The following SHC4 variants were observed in gnomAD, a reference collection of about 807,000 sequenced individuals.
SHC4 encodes SHC-transforming protein 4.
Under a neutral mutation model 69.4 loss-of-function variants are expected in SHC4, and 41 were observed. The observed-to-expected ratio is 0.59, with a 90% confidence interval of 0.46 to 0.77. The LOEUF (loss-of-function observed/expected upper bound fraction) is 0.77, where lower values mean the gene tolerates loss of function less well. SHC4 is among the 30% of genes least tolerant of loss of function. The pLI, the probability that SHC4 is intolerant of heterozygous loss-of-function variation, is 0.00. For synonymous variants in SHC4, 318 were observed against 299.3 expected (o/e 1.06, Z -0.64); for missense variants, 777 against 783.8 (o/e 0.99, Z 0.10).
At chr15:48,946,473 C>G (rs908594543) in intron 1 of SHC4, 2 of 624,906 alleles carry the variant, frequency 3.2e-6, no homozygotes, top group African/African-American at 2.0e-5. Context: ...CTTCTCCCTC[C>G]TCTCTTTCTC....
intron 4 of SHC4, among the ~76,000 whole-genome samples, chr15:48,874,401 G>C (rs1318637755): frequency 2.0e-5 from 3 of 152,194 alleles, no homozygotes; most frequent in African/African-American, 7.2e-5. Context: ...GGCCTGTTAG[G>C]AACCGGGCTG....
chr15:48,918,962 G>A (rs1297513634), intron 2 of SHC4, among the ~76,000 whole-genome samples: 2 of 152,058 alleles, frequency 1.3e-5, no homozygotes, highest in Non-Finnish European at 2.9e-5. Context: ...CCAAGTAGCT[G>A]CAAGTCACAG....
At chr15:48,858,170 C>T (rs1899368503) in intron 6 of SHC4, among the ~76,000 whole-genome samples, 1 of 152,150 alleles carries the variant, frequency 6.6e-6, no homozygotes, top group Admixed American at 6.5e-5. Context: ...CACTAATCTA[C>T]ACAGAAGGCG....
At chr15:48,846,009 T>G (rs1595729806) in intron 9 of SHC4, among the ~76,000 whole-genome samples, 1 of 152,084 alleles carries the variant, frequency 6.6e-6, no homozygotes, top group South Asian at 2.1e-4. Context: ...GTCAGTTTTT[T>G]TTTTTTTAAG....
At position 48,902,450 on chromosome 15, in the gene SHC4, A is replaced by G. The variant is rs1415159828; in HGVS notation, c.657-11639T>C. Among the ~76,000 whole-genome samples the G allele has an allele frequency of 6.6e-5, 10 of 152,274 alleles. No homozygotes were observed. The South Asian group carries it at 2.1e-3, about 32-fold the overall frequency. On this transcript the variant is annotated intron_variant, in intron 2 of 11. Transcript: ENST00000332408. ...TGGAAATACAATGTATTCAACATACAAATGTTAGGTAGTGCTATGTCATCA... is the reference window on the plus strand; with the variant it reads ...TGGAAATACAATGTATTCAACATACGAATGTTAGGTAGTGCTATGTCATCA...
At chr15:48,849,760 G>C (rs1899171653) in intron 9 of SHC4, among the ~76,000 whole-genome samples, 2 of 152,170 alleles carry the variant, frequency 1.3e-5, no homozygotes, top group Non-Finnish European at 1.5e-5. Context: ...GGCTGTCAGA[G>C]AGCATAACTT....
At chr15:48,888,600 G>C (rs1900079248) in intron 3 of SHC4, among the ~76,000 whole-genome samples, 1 of 152,156 alleles carries the variant, frequency 6.6e-6, no homozygotes, top group Non-Finnish European at 1.5e-5. Context: ...CACTTAAAAA[G>C]GGTTAAGATG....
chr15:48,880,238 AAGAT>A (rs1435668996), intron 4 of SHC4: 3 of 166,682 alleles, frequency 1.8e-5, no homozygotes, highest in African/African-American at 7.2e-5. Context: ...AGATCTGTAA[AAGAT>A]AGGACTGTGA....
At chr15:48,910,633 T>C (rs1190023183) in intron 2 of SHC4, among the ~76,000 whole-genome samples, 2 of 152,138 alleles carry the variant, frequency 1.3e-5, no homozygotes, top group Non-Finnish European at 2.9e-5. Flanking sequence ...CTTGTTTCTC[T>C]AGTTCCTTGA....
In SHC4 at chr15:48,882,734, T is replaced by C. The variant is rs529262518; in HGVS notation, c.840+1514A>G. On this transcript the variant is annotated intron_variant, in intron 4 of 11. Coordinates refer to ENST00000332408, the MANE Select transcript of SHC4 (RefSeq NM_203349.4). ...CAAAACTCTGAGATAACCCGAGGGC[T>C]CCTTTACTTAGTGAGATCTCATAAC... is the stretch of plus-strand genomic sequence containing the variant. 1.4e-4 allele frequency among the ~76,000 whole-genome samples: 21 copies of C among 152,348 alleles called. 1 individual carries two copies. The South Asian group carries it at 4.1e-3, about 30-fold the overall frequency.
chr15:48,911,928 A>G (rs897508004), intron 2 of SHC4, among the ~76,000 whole-genome samples: 1 of 152,164 alleles, frequency 6.6e-6, no homozygotes, highest in East Asian at 1.9e-4. Context: ...TAGGGCCCCA[A>G]TCCCTTCTAG....
intron 2 of SHC4, among the ~76,000 whole-genome samples, chr15:48,893,378 C>T (rs1410129105): frequency 8.5e-5 from 13 of 152,134 alleles, no homozygotes; most frequent in South Asian, 2.1e-4. Context: ...AAGTGCCAGA[C>T]GGTAAATATT....
Position 48,857,818 on chromosome 15 carries a change from G to A in SHC4, c.947-3C>T. The A allele has an allele frequency of 6.6e-7, 1 of 1,505,808 alleles. No homozygotes were observed. Among genetic ancestry groups the A allele is most frequent in the Non-Finnish European group, 8.9e-7 (1 of 1,129,298 alleles). The allele number at this position is 1,505,808 out of a possible 1,614,324, so 93.3% of individuals were successfully genotyped here. ...GTGGCATTCCAATATGTGACAGGCT[G>A]CAAGAGGACATACAAAAAATAATAT... On this transcript the variant is annotated splice_polypyrimidine_tract_variant and splice_region_variant and intron_variant, in intron 6 of 11. Coordinates refer to ENST00000332408, the MANE Select transcript of SHC4 (RefSeq NM_203349.4).
chr15:48,943,809 C>T (rs750541968), intron 1 of SHC4, among the ~76,000 whole-genome samples: 3 of 151,986 alleles, frequency 2.0e-5, no homozygotes, highest in Non-Finnish European at 4.4e-5. Flanking sequence ...GAGATGATAT[C>T]CCATATAGTT....
At chr15:48,922,223 A>G (rs1306908360) in intron 2 of SHC4, among the ~76,000 whole-genome samples, 2 of 152,132 alleles carry the variant, frequency 1.3e-5, no homozygotes, top group East Asian at 3.8e-4. Flanking sequence ...TGTAAATTCC[A>G]TGAGGGTAGA....
chr15:48,931,765 A>C (rs1045907281), intron 1 of SHC4, among the ~76,000 whole-genome samples: 7 of 152,168 alleles, frequency 4.6e-5, no homozygotes, highest in Non-Finnish European at 7.4e-5. Flanking sequence ...TTATCTCCTC[A>C]GTCTTTCAAC....
At chr15:48,946,112 T>G (rs1901272221) in intron 1 of SHC4, 2 of 152,334 alleles carry the variant, frequency 1.3e-5, no homozygotes, top group Middle Eastern at 3.4e-3. Flanking sequence ...TGAGCTTTAC[T>G]GTGTCGAGAT....
At chr15:48,894,309 T>G (rs888076106) in intron 2 of SHC4, among the ~76,000 whole-genome samples, 11 of 152,220 alleles carry the variant, frequency 7.2e-5, no homozygotes, top group African/African-American at 2.7e-4. Flanking sequence ...ATTCTACCGA[T>G]GTTTAGATAT....
At chr15:48,896,055 T>G (rs1482255207) in intron 2 of SHC4, among the ~76,000 whole-genome samples, 1 of 152,120 alleles carries the variant, frequency 6.6e-6, no homozygotes, top group African/African-American at 2.4e-5. Context: ...ATTACTGCAC[T>G]CCAGTCTGGG....
Sources: gnomAD v4.1 joint callset for allele counts (sites outside exome capture counted in the v4.1 genomes callset) on GRCh38, gnomAD v4.1.1 for gene constraint, MANE v1.5 for transcripts, NCBI Gene and HGNC (gene_info 2026-07-23, HGNC 2026-07-21) for gene names.